EPHA3: variants seen among roughly 807,000 people sequenced by gnomAD.
The protein encoded by EPHA3 is EPH receptor A3, also known as ephrin type-A receptor 3.
In EPHA3, 42 loss-of-function variants were observed where a neutral mutation model predicts 107.1. That is an observed-to-expected ratio of 0.39 (90% CI 0.31 to 0.51). The LOEUF (loss-of-function observed/expected upper bound fraction) is 0.51. Ranked by LOEUF, EPHA3 falls within the 20% of genes least tolerant of loss-of-function variation. EPHA3 has a pLI of 0.78. For missense variants in EPHA3, 1,183 were observed against 1,211.2 expected, an observed-to-expected ratio of 0.98 and a Z score of 0.35; for synonymous variants, 461 against 424.8, an observed-to-expected ratio of 1.09 and a Z score of -1.05.
At chr3:89,219,941 C>A (rs1704330079) in intron 3 of EPHA3, among the ~76,000 whole-genome samples, 1 of 150,768 alleles carries the variant, frequency 6.6e-6, no homozygotes, top group Non-Finnish European at 1.5e-5. Context: ...ATCTCCTGAC[C>A]TCGTGATCCG....
rs187954602 is a variant in EPHA3, at chr3:89,259,992, G to A, written c.814+49472G>A. Reference sequence around the variant, plus strand: ...TCCTTCCACATTGTCACAAATAGCAGCATCTTCTTTTTCAAAGGCTAAGTA... The same window carrying A: ...TCCTTCCACATTGTCACAAATAGCAACATCTTCTTTTTCAAAGGCTAAGTA... On this transcript the variant is annotated intron_variant, in intron 3 of 16. Coordinates refer to ENST00000336596, the MANE Select transcript of EPHA3 (RefSeq NM_005233.6). 4.3e-3 allele frequency among the ~76,000 whole-genome samples: 659 copies of A among 152,294 alleles called. 1 individual carries two copies. Among genetic ancestry groups the A allele is most frequent in the Non-Finnish European group, 6.3e-3 (430 of 68,026 alleles).
intron 5 of EPHA3, among the ~76,000 whole-genome samples, chr3:89,354,124 C>A (rs1437722332): frequency 6.6e-6 from 1 of 151,264 alleles, no homozygotes; most frequent in African/African-American, 2.4e-5. Context: ...AAAGTTTTCT[C>A]ATCCTTATTT....
chr3:89,164,401 C>G (rs9883603), intron 2 of EPHA3, among the ~76,000 whole-genome samples: 87,104 of 152,016 alleles, frequency 0.57, 25,259 homozygotes, highest in Admixed American at 0.66. Context: ...GACACGCCCC[C>G]CTAAAAAATC....
chr3:89,351,868 A>G (rs1707829733), intron 5 of EPHA3, among the ~76,000 whole-genome samples: 1 of 150,220 alleles, frequency 6.7e-6, no homozygotes, highest in African/African-American at 2.4e-5. Flanking sequence ...TACTGATATA[A>G]TATAGTTCCC....
At chr3:89,331,155 G>A (rs1160282289) in intron 3 of EPHA3, among the ~76,000 whole-genome samples, 5 of 152,058 alleles carry the variant, frequency 3.3e-5, no homozygotes, top group South Asian at 2.1e-4. Flanking sequence ...ATAACTGCAC[G>A]CACATGCACC....
intron 2 of EPHA3, among the ~76,000 whole-genome samples, chr3:89,153,311 C>T (rs1704727450): frequency 6.6e-6 from 1 of 152,060 alleles, no homozygotes; most frequent in Non-Finnish European, 1.5e-5. Flanking sequence ...CTTGCGGGTC[C>T]TTCTTCATTG....
At chr3:89,413,954 TG>T (rs1391689163) in intron 10 of EPHA3, among the ~76,000 whole-genome samples, 2 of 151,658 alleles carry the variant, frequency 1.3e-5, no homozygotes. Context: ...ACACATGATA[TG>T]TGCAGTATGC....
At chr3:89,114,673 G>A (rs1707211728) in intron 1 of EPHA3, among the ~76,000 whole-genome samples, 1 of 152,218 alleles carries the variant, frequency 6.6e-6, no homozygotes, top group African/African-American at 2.4e-5. Context: ...GCCCCCGGGC[G>A]GACGGTGTAG....
chr3:89,262,963 CT>C (rs532365863), intron 3 of EPHA3, among the ~76,000 whole-genome samples: 2,777 of 97,204 alleles, frequency 0.029, 75 homozygotes, highest in African/African-American at 0.078. Context: ...TTACAGCGCT[CT>C]TTTTTTTTTT....
At chr3:89,273,949 A>T (rs1428652522) in intron 3 of EPHA3, among the ~76,000 whole-genome samples, 1 of 151,952 alleles carries the variant, frequency 6.6e-6, no homozygotes, top group Non-Finnish European at 1.5e-5. Flanking sequence ...AAAGCACAGA[A>T]ATGTGAAAAA....
intron 3 of EPHA3, among the ~76,000 whole-genome samples, chr3:89,219,815 T>TCTCCTGCC (rs1704325249): frequency 7.1e-6 from 1 of 141,290 alleles, no homozygotes; most frequent in African/African-American, 2.6e-5. Context: ...TTCACGCCAT[T>TCTCCTGCC]CTCCTGCCTC....
At chr3:89,363,051 T>G (rs1386330453) in intron 5 of EPHA3, among the ~76,000 whole-genome samples, 2 of 150,936 alleles carry the variant, frequency 1.3e-5, no homozygotes, top group African/African-American at 4.8e-5. Context: ...AAGCTAGGTA[T>G]CTATCTACTC....
intron 3 of EPHA3, among the ~76,000 whole-genome samples, chr3:89,277,792 C>T (rs989872056): frequency 2.6e-5 from 4 of 152,056 alleles, no homozygotes; most frequent in African/African-American, 9.7e-5. Flanking sequence ...TATGAAAATT[C>T]CCTATGCATT....
intron 15 of EPHA3, among the ~76,000 whole-genome samples, chr3:89,457,951 C>G (rs1220989266): frequency 6.6e-6 from 1 of 152,200 alleles, no homozygotes; most frequent in Non-Finnish European, 1.5e-5. Flanking sequence ...TCAGAGAATA[C>G]TTCCAGGTTC....
chr3:89,373,458 T>C (rs1423757875), intron 5 of EPHA3, among the ~76,000 whole-genome samples: 4 of 151,920 alleles, frequency 2.6e-5, no homozygotes, highest in Admixed American at 2.6e-4. Context: ...AAAACCCTGG[T>C]GTAATAATTG....
intron 2 of EPHA3, among the ~76,000 whole-genome samples, chr3:89,136,354 T>TTA: frequency 7.7e-6 from 1 of 130,458 alleles, no homozygotes. Context: ...TTTTTTTTTT[T>TTA]GACCCTTTCC....
chr3:89,137,444 A>G (rs1238734224), intron 2 of EPHA3, among the ~76,000 whole-genome samples: 2 of 152,030 alleles, frequency 1.3e-5, no homozygotes, highest in African/African-American at 2.4e-5. Context: ...GAAAGATTAA[A>G]AAAAGAAATT....
chr3:89,227,495 C>T (rs1391971674), intron 3 of EPHA3, among the ~76,000 whole-genome samples: 1 of 151,834 alleles, frequency 6.6e-6, no homozygotes, highest in Non-Finnish European at 1.5e-5. Context: ...TTGTACGTTA[C>T]GAGAGACTGA....
At chr3:89,139,021 G>T (rs2107010856) in intron 2 of EPHA3, among the ~76,000 whole-genome samples, 1 of 151,864 alleles carries the variant, frequency 6.6e-6, no homozygotes, top group Non-Finnish European at 1.5e-5. Flanking sequence ...TCTCGCAGTA[G>T]AAGTTATTAT....
Sources: allele counts gnomAD v4.1 joint callset (sites outside exome capture counted in the v4.1 genomes callset), GRCh38; gene constraint gnomAD v4.1.1; transcripts MANE v1.5; gene names NCBI Gene and HGNC (gene_info 2026-07-23, HGNC 2026-07-21).